KSR1: variants seen among roughly 807,000 people sequenced by gnomAD.
KSR1 encodes kinase suppressor of ras 1, also known as kinase suppressor of ras.
A neutral mutation model predicts 92.9 loss-of-function variants in KSR1; 35 were observed. The observed-to-expected ratio is 0.38, with a 90% confidence interval of 0.29 to 0.50. The LOEUF is 0.50. Among genes scored for constraint, KSR1 ranks in the 20% least tolerant of loss-of-function variants. KSR1 has a pLI of 0.94. For missense variants in KSR1, 972 were observed against 1,158.5 expected (o/e 0.84, Z 2.34); for synonymous variants, 467 against 472.6 (o/e 0.99, Z 0.15).
intron 1 of KSR1, among the ~76,000 whole-genome samples, chr17:27,544,970 G>T (rs2071107917): frequency 6.6e-6 from 1 of 152,216 alleles, no homozygotes; most frequent in Non-Finnish European, 1.5e-5. Flanking sequence ...TGCTCCATCA[G>T]CAGAACCCAA....
At chr17:27,550,774 C>T (rs868779783) in intron 2 of KSR1, 66 bp downstream of exon 2, 2 of 724,450 alleles carry the variant, frequency 2.8e-6, no homozygotes, top group Non-Finnish European at 5.1e-6. Context: ...CACACACAAA[C>T]CCGAGGGCTA....
At chr17:27,595,754 G>A (rs1389092672) in intron 9 of KSR1, among the ~76,000 whole-genome samples, 2 of 150,890 alleles carry the variant, frequency 1.3e-5, no homozygotes, top group Non-Finnish European at 2.9e-5. Flanking sequence ...TCCCAGGCCT[G>A]TCTGGTGGTG....
intron 2 of KSR1, among the ~76,000 whole-genome samples, chr17:27,562,212 C>T (rs557107804): frequency 1.3e-5 from 2 of 152,204 alleles, no homozygotes; most frequent in Non-Finnish European, 2.9e-5. Flanking sequence ...ACTGACTAGA[C>T]TAGAAGCACC....
intron 2 of KSR1, among the ~76,000 whole-genome samples, chr17:27,562,115 G>A (rs537121234): frequency 6.0e-4 from 91 of 152,238 alleles, no homozygotes; most frequent in Non-Finnish European, 1.0e-3. Flanking sequence ...CAAAGTGCTG[G>A]GATTACAGGC....
At chr17:27,616,744 T>C (rs2074067323) in intron 18 of KSR1, among the ~76,000 whole-genome samples, 1 of 152,198 alleles carries the variant, frequency 6.6e-6, no homozygotes, top group Non-Finnish European at 1.5e-5. Flanking sequence ...GGTACACATG[T>C]GGATCCTGAG....
At chr17:27,532,032 T>C (rs1201249315) in intron 1 of KSR1, among the ~76,000 whole-genome samples, 1 of 152,040 alleles carries the variant, frequency 6.6e-6, no homozygotes, top group Non-Finnish European at 1.5e-5. Context: ...CCTTCTACTT[T>C]GTGTGAGTTT....
At chr17:27,568,644 C>A (rs1248381089) in intron 2 of KSR1, among the ~76,000 whole-genome samples, 1 of 152,204 alleles carries the variant, frequency 6.6e-6, no homozygotes, top group East Asian at 1.9e-4. Flanking sequence ...TGCCTTGACC[C>A]CCAGGAGAGC....
intron 1 of KSR1, among the ~76,000 whole-genome samples, chr17:27,530,655 T>C (rs913218009): frequency 6.6e-6 from 1 of 152,198 alleles, no homozygotes; most frequent in Non-Finnish European, 1.5e-5. Flanking sequence ...TTCCCATTCA[T>C]AGCCTTATAA....
In KSR1 at chr17:27,508,704, ATTTT is replaced by A. The variant is rs1248006036; in HGVS notation, c.232-41859_232-41856del. On this transcript the variant is annotated intron_variant, in intron 1 of 20. Transcript: ENST00000644974. ...CCCTCTTTCCTAGGTTTGGGCCTGA[ATTTT>A]TTTTATTTATTTATTTATTTATTTA... 1.9e-3 allele frequency among the ~76,000 whole-genome samples: 250 copies of A among 133,116 alleles called. 5 individuals carry two copies. The highest frequency in any genetic ancestry group is 2.7e-3 in the African/African-American group (88 of 32,392). The allele number at this position is 133,116 out of a possible 152,430, so 87.3% of individuals were successfully genotyped here.
At position 27,605,440 on chromosome 17, in the gene KSR1, G is replaced by A; in HGVS notation, c.1621G>A (p.Glu541Lys). Reference sequence around the variant, plus strand: ...CTTCCTGCTCTCCTTTCAGGCTGAGGAGCCAGAGGCTGGCAAGTCAGAGGC... The same window carrying A: ...CTTCCTGCTCTCCTTTCAGGCTGAGAAGCCAGAGGCTGGCAAGTCAGAGGC... ...VLEAHEAEAE[E>K]PEAGKSEAED... The change falls in exon 14 of 21, where the codon GAG (glutamate) becomes AAG (lysine). Residue 541 changes from glutamate (E) to lysine (K), a missense_variant. Glu to Lys is a moderately conservative substitution (Grantham distance 56). Around this residue, in one of 5 missense-constraint regions of KSR1, gnomAD observed 611 missense variants for 668.0 expected, o/e 0.91. Coordinates refer to ENST00000644974, the MANE Select transcript of KSR1 (RefSeq NM_001394583.1). 6.2e-7 allele frequency: 1 copy of A among 1,609,442 alleles called. No individual in the cohort carries two copies. Among genetic ancestry groups the A allele is most frequent in the Non-Finnish European group, 8.5e-7 (1 of 1,178,954 alleles).
At chr17:27,534,233 C>T (rs1438723085) in intron 1 of KSR1, among the ~76,000 whole-genome samples, 1 of 152,222 alleles carries the variant, frequency 6.6e-6, no homozygotes, top group African/African-American at 2.4e-5. Context: ...TCCAGCCACG[C>T]CTGGCCTTGT....
intron 2 of KSR1, among the ~76,000 whole-genome samples, chr17:27,564,419 T>A (rs1049687045): frequency 6.6e-6 from 1 of 152,232 alleles, no homozygotes; most frequent in African/African-American, 2.4e-5. Flanking sequence ...TAGAACTTTT[T>A]TCAAAGCAAG....
At chr17:27,529,587 C>T (rs2070456434) in intron 1 of KSR1, among the ~76,000 whole-genome samples, 1 of 152,246 alleles carries the variant, frequency 6.6e-6, no homozygotes, top group African/African-American at 2.4e-5. Context: ...TGTTGCCAAA[C>T]ATCTGCCCAT....
intron 1 of KSR1, among the ~76,000 whole-genome samples, chr17:27,474,116 G>A (rs2068268893): frequency 1.3e-5 from 2 of 152,206 alleles, no homozygotes; most frequent in African/African-American, 4.8e-5. Flanking sequence ...ATTCTTAGAA[G>A]AAGACTTAGG....
At chr17:27,461,493 C>T (rs573502330) in intron 1 of KSR1, among the ~76,000 whole-genome samples, 3 of 152,236 alleles carry the variant, frequency 2.0e-5, no homozygotes, top group African/African-American at 4.8e-5. Flanking sequence ...CAAAGTGTGG[C>T]GTTTCTCTGC....
intron 2 of KSR1, among the ~76,000 whole-genome samples, chr17:27,561,509 G>T (rs564047027): frequency 1.3e-5 from 2 of 152,224 alleles, no homozygotes; most frequent in African/African-American, 4.8e-5. Flanking sequence ...AATAACTAGG[G>T]TGCGTAGCTG....
intron 1 of KSR1, among the ~76,000 whole-genome samples, chr17:27,493,463 C>T (rs537578736): frequency 1.4e-4 from 21 of 152,214 alleles, no homozygotes; most frequent in Non-Finnish European, 2.4e-4. Flanking sequence ...CGATCAGCTC[C>T]GTATAATGTT....
intron 1 of KSR1, among the ~76,000 whole-genome samples, chr17:27,528,087 ATGAAGTCTCACTC>A (rs1190911981): frequency 6.6e-6 from 1 of 152,016 alleles, no homozygotes; most frequent in East Asian, 1.9e-4. Context: ...TATTTTTGAG[ATGAAGTCTCACTC>A]TGTTGCCGAG....
intron 1 of KSR1, among the ~76,000 whole-genome samples, chr17:27,494,718 T>C (rs1282977467): frequency 1.3e-5 from 2 of 152,224 alleles, no homozygotes; most frequent in Non-Finnish European, 2.9e-5. Flanking sequence ...ACAAAAAATC[T>C]TGATGGAGCT....
Sources: gnomAD v4.1 joint callset for allele counts (sites outside exome capture counted in the v4.1 genomes callset) on GRCh38, gnomAD v4.1.1 for gene constraint, gnomAD v4.1.1 regional missense constraint, MANE v1.5 for transcripts, NCBI Gene and HGNC (gene_info 2026-07-23, HGNC 2026-07-21) for gene names.